The following DCC variants were observed in gnomAD, a reference collection of about 807,000 sequenced individuals.
DCC encodes the protein DCC netrin 1 receptor.
In DCC, 58 loss-of-function variants were observed where a neutral mutation model predicts 172.5. That is an observed-to-expected ratio of 0.34 (90% CI 0.27 to 0.42). The LOEUF (loss-of-function observed/expected upper bound fraction) is 0.42. Among genes scored for constraint, DCC ranks in the 10% least tolerant of loss-of-function variants. The pLI is 1.00. For missense variants in DCC, 1,740 were observed against 1,791.0 expected (o/e 0.97, Z 0.51); for synonymous variants, 709 against 644.5 (o/e 1.10, Z -1.52).
intron 1 of DCC, among the ~76,000 whole-genome samples, chr18:52,680,781 G>A (rs2035735439): frequency 6.6e-6 from 1 of 152,030 alleles, no homozygotes; most frequent in African/African-American, 2.4e-5. Flanking sequence ...TGTCTTAGAT[G>A]TTGTTAAAGG....
intron 2 of DCC, among the ~76,000 whole-genome samples, chr18:52,767,586 GTT>G (rs2037274039): frequency 6.6e-6 from 1 of 152,056 alleles, no homozygotes; most frequent in East Asian, 1.9e-4. Context: ...ACGCTTGTTG[GTT>G]TCTTGTGTTC....
At chr18:52,765,197 CTAATT>C (rs1826057116) in intron 2 of DCC, among the ~76,000 whole-genome samples, 1 of 48,216 alleles carries the variant, frequency 2.1e-5, no homozygotes, top group African/African-American at 5.9e-5. Context: ...GCACTCCTGG[CTAATT>C]TTTTTTTTTT....
At chr18:53,188,532 T>C (rs1255529502) in intron 9 of DCC, among the ~76,000 whole-genome samples, 1 of 152,200 alleles carries the variant, frequency 6.6e-6, no homozygotes, top group Non-Finnish European at 1.5e-5. Flanking sequence ...CACTGCTAAC[T>C]GATCTTACAC....
At chr18:53,239,308 A>C (rs1351411624) in intron 12 of DCC, among the ~76,000 whole-genome samples, 1 of 151,736 alleles carries the variant, frequency 6.6e-6, no homozygotes, top group Non-Finnish European at 1.5e-5. Flanking sequence ...AAACCTAAAG[A>C]ATAGAAAAGA....
chr18:53,160,690 T>C (rs1309605872), intron 8 of DCC, among the ~76,000 whole-genome samples: 1 of 152,158 alleles, frequency 6.6e-6, no homozygotes, highest in African/African-American at 2.4e-5. Flanking sequence ...TATCAGGCAG[T>C]CTCTCTCACA....
At chr18:53,208,338 T>G (rs996316438) in intron 11 of DCC, among the ~76,000 whole-genome samples, 1 of 151,922 alleles carries the variant, frequency 6.6e-6, no homozygotes, top group African/African-American at 2.4e-5. Flanking sequence ...AGTCAGTATA[T>G]ACTAATAGGT....
chr18:52,675,404 T>A (rs1599009429), intron 1 of DCC, among the ~76,000 whole-genome samples: 1 of 152,174 alleles, frequency 6.6e-6, no homozygotes, highest in Non-Finnish European at 1.5e-5. Flanking sequence ...TAGAAAATTT[T>A]AAAATCTGCT....
At chr18:53,003,124 C>T (rs2041591851) in intron 5 of DCC, among the ~76,000 whole-genome samples, 1 of 152,126 alleles carries the variant, frequency 6.6e-6, no homozygotes, top group African/African-American at 2.4e-5. Context: ...GGAATGCTGT[C>T]AGGGGTGCAG....
intron 1 of DCC, among the ~76,000 whole-genome samples, chr18:52,734,879 G>A (rs1358603430): frequency 2.6e-5 from 4 of 152,102 alleles, no homozygotes; most frequent in African/African-American, 9.7e-5. Flanking sequence ...TTTGAGAGTA[G>A]TAAATAAGAT....
intron 1 of DCC, among the ~76,000 whole-genome samples, chr18:52,702,272 T>C (rs1386054376): frequency 6.6e-6 from 1 of 152,204 alleles, no homozygotes; most frequent in Non-Finnish European, 1.5e-5. Flanking sequence ...CTACTTGTTA[T>C]AGTTGTCCAC....
intron 12 of DCC, among the ~76,000 whole-genome samples, chr18:53,267,506 G>T (rs1169929605): frequency 1.3e-5 from 2 of 151,736 alleles, no homozygotes; most frequent in African/African-American, 4.8e-5. Context: ...TTGAGACAGG[G>T]TCTTTCTCTG....
intron 1 of DCC, among the ~76,000 whole-genome samples, chr18:52,630,375 G>C (rs2034652596): frequency 6.6e-6 from 1 of 152,132 alleles, no homozygotes; most frequent in Non-Finnish European, 1.5e-5. Flanking sequence ...AAAAAGCTCA[G>C]TCTTTTTAAT....
At position 53,428,258 on chromosome 18, in the gene DCC, ATATAT is replaced by A. The variant is rs1490580600; in HGVS notation, c.3164-6880_3164-6876del. On this transcript the variant is annotated intron_variant, in intron 21 of 28. Transcript: ENST00000442544. ...TATATAATTAATTATATATTTAATAATATATTATATAGAATATAATAAATTATATA... is the reference window on the plus strand; with the variant it reads ...TATATAATTAATTATATATTTAATAATATATAGAATATAATAAATTATATA... Among the ~76,000 whole-genome samples, 257 of 83,772 alleles carry A rather than the reference ATATAT, an allele frequency of 3.1e-3. 28 individuals carry two copies. Among genetic ancestry groups the A allele is most frequent in the African/African-American group, 0.011 (233 of 21,656 alleles). 55.0% of individuals were successfully genotyped at this position (83,772 alleles called of 152,430 possible). A position where few individuals can be genotyped will look rare whatever the true frequency, so the allele number is the denominator to read the frequency against.
chr18:53,411,181 C>T (rs184545622), intron 20 of DCC, among the ~76,000 whole-genome samples: 9 of 151,964 alleles, frequency 5.9e-5, no homozygotes, highest in Admixed American at 5.9e-4. Flanking sequence ...TACAGAGAAA[C>T]ACTAAAGCTG....
chr18:53,256,353 A>C (rs576112981), intron 12 of DCC, among the ~76,000 whole-genome samples: 1 of 152,162 alleles, frequency 6.6e-6, no homozygotes, highest in Admixed American at 6.6e-5. Context: ...TAGGTCTAAC[A>C]TGTAGGTCTT....
chr18:53,004,325 A>G (rs1393310391), intron 5 of DCC, among the ~76,000 whole-genome samples: 1 of 152,200 alleles, frequency 6.6e-6, no homozygotes, highest in Non-Finnish European at 1.5e-5. Flanking sequence ...CCATTTTCAG[A>G]TAGGAAACAT....
chr18:53,401,932 G>A (rs888568449), intron 18 of DCC, among the ~76,000 whole-genome samples: 6 of 152,134 alleles, frequency 3.9e-5, no homozygotes, highest in Non-Finnish European at 8.8e-5. Context: ...TTAGGAGCAG[G>A]ACTTCGTGCC....
At chr18:53,261,843 C>A (rs1376074369) in intron 12 of DCC, among the ~76,000 whole-genome samples, 1 of 152,048 alleles carries the variant, frequency 6.6e-6, no homozygotes, top group Non-Finnish European at 1.5e-5. Context: ...ATGGTATCAC[C>A]CCCAATTAGT....
intron 12 of DCC, among the ~76,000 whole-genome samples, chr18:53,273,021 C>T (rs926038071): frequency 6.6e-6 from 1 of 151,982 alleles, no homozygotes; most frequent in African/African-American, 2.4e-5. Flanking sequence ...GAGTCAGTAG[C>T]AAACACTAAA....
Sources: gnomAD v4.1 joint callset for allele counts (sites outside exome capture counted in the v4.1 genomes callset) on GRCh38, gnomAD v4.1.1 for gene constraint, MANE v1.5 for transcripts, NCBI Gene and HGNC (gene_info 2026-07-23, HGNC 2026-07-21) for gene names.